LRRFIP2: variants seen among roughly 807,000 people sequenced by gnomAD.
LRRFIP2 encodes the protein LRR binding FLII interacting protein 2.
A neutral mutation model predicts 125.9 loss-of-function variants in LRRFIP2; 109 were observed. That is an observed-to-expected ratio of 0.87 (90% CI 0.74 to 1.01). LRRFIP2 has a LOEUF of 1.01. Among genes scored for constraint, LRRFIP2 ranks in the 50% least tolerant of loss-of-function variants. The pLI, the probability that LRRFIP2 is intolerant of heterozygous loss-of-function variation, is 0.00. For synonymous variants in LRRFIP2, 291 were observed against 293.1 expected, an observed-to-expected ratio of 0.99 and a Z score of 0.07; for missense variants, 850 against 862.3, an observed-to-expected ratio of 0.99 and a Z score of 0.18.
intron 2 of LRRFIP2, chr3:37,134,630 G>A (rs1424417863): frequency 9.9e-6 from 6 of 603,962 alleles, no homozygotes; most frequent in African/African-American, 3.7e-5. Flanking sequence ...TACCGAGAGA[G>A]TGAGGAGCCA....
At chr3:37,137,454 T>C (rs2095586189) in intron 2 of LRRFIP2, among the ~76,000 whole-genome samples, 1 of 152,196 alleles carries the variant, frequency 6.6e-6, no homozygotes, top group Non-Finnish European at 1.5e-5. Flanking sequence ...TATAATTGCA[T>C]ATCCTTAGAC....
rs571620873 is a variant in LRRFIP2 at position 37,079,188 on chromosome 3, A to G, written c.1279-4072T>C. 1.4e-3 allele frequency among the ~76,000 whole-genome samples: 218 copies of G among 152,362 alleles called. 1 individual carries two copies. The highest frequency in any genetic ancestry group is 5.1e-3 in the African/African-American group (211 of 41,590). On this transcript the variant is annotated intron_variant, in intron 19 of 27. Coordinates refer to ENST00000336686, the MANE Select transcript of LRRFIP2 (RefSeq NM_006309.4). ...AGATATGCAAATAGCCAATAAGCCC[A>G]TGAAAATATGTTCAAAATCATTAGT...
At chr3:37,077,081 C>T (rs557183827) in intron 19 of LRRFIP2, among the ~76,000 whole-genome samples, 1 of 152,196 alleles carries the variant, frequency 6.6e-6, no homozygotes, top group African/African-American at 2.4e-5. Context: ...AAGAAATAGG[C>T]CCTCATACAT....
chr3:37,100,631 A>G (rs928093526), intron 15 of LRRFIP2, among the ~76,000 whole-genome samples: 1 of 152,200 alleles, frequency 6.6e-6, no homozygotes, highest in Non-Finnish European at 1.5e-5. Flanking sequence ...CTTATATGTA[A>G]GTACTAAAGT....
At chr3:37,081,357 G>C (rs1002943625) in intron 19 of LRRFIP2, among the ~76,000 whole-genome samples, 1 of 152,152 alleles carries the variant, frequency 6.6e-6, no homozygotes, top group Non-Finnish European at 1.5e-5. Flanking sequence ...AATTATTATG[G>C]AATGGTCCTT....
At chr3:37,169,099 A>C (rs1247459219) in intron 1 of LRRFIP2, among the ~76,000 whole-genome samples, 1 of 152,198 alleles carries the variant, frequency 6.6e-6, no homozygotes, top group Admixed American at 6.5e-5. Flanking sequence ...TATACCATAT[A>C]GTCTAGGTGT....
At chr3:37,083,402 T>G (rs2092793825) in intron 19 of LRRFIP2, among the ~76,000 whole-genome samples, 1 of 152,172 alleles carries the variant, frequency 6.6e-6, no homozygotes. Context: ...TTGAGTTGTA[T>G]TCTATTTTCA....
At chr3:37,140,030 C>G (rs2095653215) in intron 2 of LRRFIP2, among the ~76,000 whole-genome samples, 1 of 152,216 alleles carries the variant, frequency 6.6e-6, no homozygotes, top group Admixed American at 6.5e-5. Flanking sequence ...TCTGGACTTT[C>G]AATATCACTA....
At chr3:37,059,911 A>G (rs1050650604) in intron 24 of LRRFIP2, among the ~76,000 whole-genome samples, 5 of 152,174 alleles carry the variant, frequency 3.3e-5, no homozygotes, top group African/African-American at 4.8e-5. Context: ...CCACTCCCCA[A>G]TGGGAAAAGG....
At chr3:37,073,589 TA>T (rs1357220833) in intron 20 of LRRFIP2, among the ~76,000 whole-genome samples, 1 of 152,122 alleles carries the variant, frequency 6.6e-6, no homozygotes, top group Non-Finnish European at 1.5e-5. Context: ...TTGTAATATT[TA>T]AAGTTTTTCA....
chr3:37,172,107 C>T (rs1331795672), intron 1 of LRRFIP2, among the ~76,000 whole-genome samples: 1 of 152,150 alleles, frequency 6.6e-6, no homozygotes, highest in Admixed American at 6.5e-5. Context: ...ATAAATAAAG[C>T]CAACATGGGA....
chr3:37,126,860 A>AG, intron 4 of LRRFIP2, among the ~76,000 whole-genome samples: 1 of 86,836 alleles, frequency 1.2e-5, no homozygotes. Flanking sequence ...ACTCCATCTC[A>AG]AAAAAAAAAA....
chr3:37,119,558 G>A (rs1453233764), intron 6 of LRRFIP2, among the ~76,000 whole-genome samples: 2 of 152,122 alleles, frequency 1.3e-5, no homozygotes, highest in African/African-American at 2.4e-5. Context: ...AAAAGCAAAT[G>A]AAAAAGCCAT....
At chr3:37,142,701 C>T (rs1031952895) in intron 2 of LRRFIP2, among the ~76,000 whole-genome samples, 1 of 152,094 alleles carries the variant, frequency 6.6e-6, no homozygotes, top group Non-Finnish European at 1.5e-5. Context: ...TTTCTTATTC[C>T]AATCTGCAAG....
At chr3:37,136,892 T>A (rs530719210) in intron 2 of LRRFIP2, among the ~76,000 whole-genome samples, 1 of 148,010 alleles carries the variant, frequency 6.8e-6, no homozygotes. Context: ...ACTATTCAGA[T>A]AATATATCTA....
At position 37,055,073 on chromosome 3, in the gene LRRFIP2, T is replaced by A; in HGVS notation, c.1950+13A>T. Reference sequence around the variant, plus strand: ...GACATTTAAATAACTTAGTACCATATAGAAGTACTTACACTTTGCTCCAAG... The same window carrying A: ...GACATTTAAATAACTTAGTACCATAAAGAAGTACTTACACTTTGCTCCAAG... On this transcript the variant is annotated intron_variant, in intron 26 of 27. Transcript: ENST00000336686. The A allele has an allele frequency of 6.5e-7, 1 of 1,542,004 alleles. No individual in the cohort carries two copies. Among genetic ancestry groups the A allele is most frequent in the Non-Finnish European group, 8.9e-7 (1 of 1,125,062 alleles).
chr3:37,105,470 T>C lies in LRRFIP2; in HGVS notation c.768A>G (p.Gly256=). The C allele has an allele frequency of 6.2e-7, 1 of 1,614,012 alleles. No homozygotes were observed. Among genetic ancestry groups the C allele is most frequent in the Non-Finnish European group, 8.5e-7 (1 of 1,179,878 alleles). ...SIVSSDRASR[G]RRESVVSAAD... ...TCATGCTCACCACACTCTCCCTTCG[T>C]CCACGACTGGCACGATCAGAAGACA... Residue 256 remains glycine, a synonymous_variant, in exon 14 of 28, where the codon GGA becomes GGG. Transcript: ENST00000336686.
intron 21 of LRRFIP2, chr3:37,067,115 G>T (rs921300437): frequency 1.2e-4 from 19 of 152,194 alleles, no homozygotes; most frequent in African/African-American, 4.1e-4. Flanking sequence ...AAACAGAAGG[G>T]ATAATAGCAC....
chr3:37,112,977 G>C lies in LRRFIP2; in HGVS notation c.376C>G (p.His126Asp). Residue 126 changes from histidine (H) to aspartate (D), a missense_variant, in exon 8 of 28, where the codon CAT becomes GAT. His to Asp is a moderately conservative substitution (Grantham distance 81). Coordinates refer to ENST00000336686, the MANE Select transcript of LRRFIP2 (RefSeq NM_006309.4). ...ATTCCATGAGAGTGACTGTAAGAAT[G>C]ATTCTGGAAGTAAATATTCCAAGTT... ...DRSSRLSSLN[H>D]SYSHSHGMKK... The C allele has an allele frequency of 6.4e-7, 1 of 1,559,704 alleles. No homozygotes were observed. The highest frequency in any genetic ancestry group is 8.8e-7 in the Non-Finnish European group (1 of 1,138,514).
Sources: gnomAD v4.1 joint callset for allele counts (sites outside exome capture counted in the v4.1 genomes callset) on GRCh38, gnomAD v4.1.1 for gene constraint, MANE v1.5 for transcripts, NCBI Gene and HGNC (gene_info 2026-07-23, HGNC 2026-07-21) for gene names.